NBR1: variants seen among roughly 807,000 people sequenced by gnomAD.
NBR1 encodes the protein NBR1 autophagy cargo receptor, also known as next to BRCA1 gene 1 protein.
A neutral mutation model predicts 115.5 loss-of-function variants in NBR1; 59 were observed. The ratio of observed to expected loss-of-function variants is 0.51; its 90% CI spans 0.41 to 0.63. NBR1 has a LOEUF of 0.63. NBR1 is among the 30% of genes least tolerant of loss of function. The probability of loss-of-function intolerance (pLI) is 0.00; values close to 1 mark genes in which losing one functional copy is unlikely to be tolerated. For synonymous variants in NBR1, 373 were observed against 414.7 expected, an observed-to-expected ratio of 0.90 and a Z score of 1.22; for missense variants, 1,043 against 1,150.5, an observed-to-expected ratio of 0.91 and a Z score of 1.35.
rs933723149 is a variant in NBR1 at position 43,210,409 on chromosome 17, C to T, written c.*335C>T. ...ATTGAAACTGAGTATTTTTCTTTGG[C>T]TAATGTGGATTTTTTATGGGGATAT... On this transcript the variant is annotated 3_prime_UTR_variant, in exon 21 of 21. Transcript: ENST00000590996. The T allele has an allele frequency of 5.1e-6, 2 of 395,692 alleles. No homozygotes were observed. The highest frequency in any genetic ancestry group is 8.9e-6 in the Non-Finnish European group (2 of 225,012). 24.5% of individuals were successfully genotyped at this position (395,692 alleles called of 1,614,324 possible).
At chr17:43,179,134 C>T (rs555472889) in intron 3 of NBR1, among the ~76,000 whole-genome samples, 31 of 152,214 alleles carry the variant, frequency 2.0e-4, no homozygotes, top group African/African-American at 5.3e-4. Flanking sequence ...GTAAAGTAGC[C>T]GTTCAGTCCA....
chr17:43,188,532 C>T (rs969794617), intron 6 of NBR1, among the ~76,000 whole-genome samples: 1 of 152,150 alleles, frequency 6.6e-6, no homozygotes, highest in African/African-American at 2.4e-5. Flanking sequence ...GAAGTCTTTG[C>T]CCCTGCCTAT....
intron 6 of NBR1, among the ~76,000 whole-genome samples, chr17:43,187,154 A>G (rs1006180928): frequency 2.0e-5 from 3 of 152,048 alleles, no homozygotes; most frequent in African/African-American, 4.8e-5. Context: ...AAAGCATTCT[A>G]TTTCTCCACA....
chr17:43,194,277 T>TG, intron 12 of NBR1, 73 bp from the exon 13 acceptor site: 1 of 1,357,078 alleles, frequency 7.4e-7, no homozygotes, highest in Middle Eastern at 1.9e-4. Flanking sequence ...TTTTTATTTT[T>TG]GGGGGCATTG....
intron 20 of NBR1, among the ~76,000 whole-genome samples, chr17:43,209,216 A>G (rs2057371887): frequency 6.6e-6 from 1 of 151,846 alleles, no homozygotes; most frequent in South Asian, 2.1e-4. Flanking sequence ...AGCTGGGACT[A>G]CAGGCGCCTG....
chr17:43,189,540 C>G, intron 7 of NBR1, 48 bp from the exon 8 acceptor site: 1 of 1,359,454 alleles, frequency 7.4e-7, no homozygotes, highest in East Asian at 2.3e-5. Context: ...ACATTTTTTT[C>G]TGATATTGGA....
Position 43,187,702 on chromosome 17 carries a change from G to A in NBR1, c.402+1258G>A, listed in dbSNP as rs771214702. On this transcript the variant is annotated intron_variant, in intron 6 of 20. Transcript: ENST00000590996. ...TTTTTGTATTTTTAGCAGTGACAGG[G>A]TTTCAGTATGTTGGTGAGACTGGTC... is the stretch of plus-strand genomic sequence containing the variant. Among the ~76,000 whole-genome samples the A allele has an allele frequency of 8.7e-5, 13 of 149,290 alleles. 1 individual carries two copies. The East Asian group carries it at 2.6e-3, about 30-fold the overall frequency.
intron 2 of NBR1, among the ~76,000 whole-genome samples, chr17:43,177,572 AACACACACACACACACACAC>A (rs60320098): frequency 3.4e-4 from 44 of 131,324 alleles, no homozygotes; most frequent in East Asian, 1.1e-3. Flanking sequence ...CCCCACCCAA[AACACACACACACACACACAC>A]ACACACACAC....
At chr17:43,202,566 C>A in intron 18 of NBR1, 89 bp from the exon 19 acceptor site, 2 of 859,930 alleles carry the variant, frequency 2.3e-6, no homozygotes, top group South Asian at 1.7e-5. Flanking sequence ...ATCAGATTGC[C>A]ACCTGCCTCA....
At position 43,209,548 on chromosome 17, in the gene NBR1, T is replaced by G. The variant is rs369666099; in HGVS notation, c.2728-353T>G. 1,216 of 1,531,844 alleles carry G rather than the reference T, an allele frequency of 7.9e-4. 5 individuals carry two copies. The highest frequency in any genetic ancestry group is 3.5e-3 in the Middle Eastern group (21 of 5,986). The allele number at this position is 1,531,844 out of a possible 1,614,324, so 94.9% of individuals were successfully genotyped here. A position where few individuals can be genotyped will look rare whatever the true frequency, so the allele number is the denominator to read the frequency against. On this transcript the variant is annotated intron_variant, in intron 20 of 20. Transcript: ENST00000590996. ...TCCCCCATCATCACAATTACACTTA[T>G]GTTCACAGGGTCTCTGGGGCTTGCT...
At chr17:43,187,322 A>T (rs1476861779) in intron 6 of NBR1, among the ~76,000 whole-genome samples, 1 of 151,754 alleles carries the variant, frequency 6.6e-6, no homozygotes, top group East Asian at 1.9e-4. Flanking sequence ...CTAGGACTAT[A>T]GGCACCTGCC....
chr17:43,191,357 T>A lies in NBR1; in HGVS notation c.864-15T>A. The stretch of plus-strand genomic sequence containing the variant: ...TTGTGACTTTCTTTTAAGACTTGCT[T>A]TTATTATCTCACAGGCTCCAGAAAC... On this transcript the variant is annotated splice_polypyrimidine_tract_variant and intron_variant, in intron 9 of 20. Transcript: ENST00000590996. The A allele has an allele frequency of 6.3e-7, 1 of 1,591,916 alleles. No individual in the cohort carries two copies. The highest frequency in any genetic ancestry group is 1.1e-5 in the South Asian group (1 of 88,634).
intron 16 of NBR1, among the ~76,000 whole-genome samples, chr17:43,199,435 G>T (rs1357446559): frequency 6.7e-6 from 1 of 149,886 alleles, no homozygotes; most frequent in East Asian, 2.0e-4. Flanking sequence ...GTGCAGCAGC[G>T]CGGTCTCGGC....
chr17:43,199,220 A>T (rs2057139171), intron 16 of NBR1, among the ~76,000 whole-genome samples: 2 of 151,848 alleles, frequency 1.3e-5, no homozygotes, highest in Admixed American at 1.3e-4. Flanking sequence ...GACCACAGCC[A>T]CATGCTACCA....
chr17:43,174,306 T>A (rs908857482), intron 1 of NBR1, among the ~76,000 whole-genome samples: 7 of 152,092 alleles, frequency 4.6e-5, no homozygotes, highest in Non-Finnish European at 1.0e-4. Context: ...AAAAATATTT[T>A]AAAAAATAGT....
intron 1 of NBR1, among the ~76,000 whole-genome samples, chr17:43,174,813 A>T (rs2056464695): frequency 6.6e-6 from 1 of 151,564 alleles, no homozygotes; most frequent in Non-Finnish European, 1.5e-5. Flanking sequence ...AATCAGTACA[A>T]GGCCAGGTGC....
chr17:43,200,748 A>G (rs1015587762), intron 17 of NBR1, 140 bp downstream of exon 17: 2 of 719,292 alleles, frequency 2.8e-6, no homozygotes, highest in South Asian at 2.4e-5. Flanking sequence ...TAGATGAATA[A>G]AAGTTGTATT....
In NBR1 at chr17:43,177,935, G is replaced by T. The variant is rs745659426; in HGVS notation, c.103-1G>T. The T allele has an allele frequency of 1.3e-6, 2 of 1,527,414 alleles. No homozygotes were observed. The highest frequency in any genetic ancestry group is 1.8e-6 in the Non-Finnish European group (2 of 1,119,714). 94.6% of individuals were successfully genotyped at this position (1,527,414 alleles called of 1,614,324 possible). On this transcript the variant is annotated splice_acceptor_variant, in intron 2 of 20. Transcript: ENST00000590996. LOFTEE classifies it high-confidence loss of function. ...CCTTTAAATATGTATCTCTTTTATA[G>T]GTAAAAGTTTCATTTGATCTGAATA... is the stretch of plus-strand genomic sequence containing the variant.
chr17:43,178,768 C>CTTTTTTT (rs770102583), intron 3 of NBR1, among the ~76,000 whole-genome samples: 1 of 127,216 alleles, frequency 7.9e-6, no homozygotes, highest in Admixed American at 8.2e-5. Context: ...AATGGCTAAG[C>CTTTTTTT]TTTTTTTTTT....
Sources: allele counts gnomAD v4.1 joint callset (sites outside exome capture counted in the v4.1 genomes callset), GRCh38; gene constraint gnomAD v4.1.1; transcripts MANE v1.5; gene names NCBI Gene and HGNC (gene_info 2026-07-23, HGNC 2026-07-21).